NUP35: variants seen among roughly 807,000 people sequenced by gnomAD.
NUP35 encodes the protein nucleoporin 35, also known as nucleoporin NUP35.
A neutral mutation model predicts 41.5 loss-of-function variants in NUP35; 25 were observed. That is an observed-to-expected ratio of 0.60 (90% CI 0.44 to 0.84). NUP35 has a LOEUF of 0.84. Among genes scored for constraint, NUP35 ranks in the 40% least tolerant of loss-of-function variants. NUP35 has a pLI of 0.00. For synonymous variants in NUP35, 149 were observed against 130.7 expected, an observed-to-expected ratio of 1.14 and a Z score of -0.96; for missense variants, 396 against 396.6, an observed-to-expected ratio of 1.00 and a Z score of 0.01.
rs1685795556 is a variant in NUP35 at position 183,159,616 on chromosome 2, T to C, written c.867T>C (p.Leu289=). Residue 289 remains leucine, a synonymous_variant, in exon 8 of 9, where the codon CTT becomes CTC. Transcript: ENST00000295119. The part of the protein sequence containing the change: ...STPRISTMRP[L]ATAYKASTSD... Reference sequence around the variant, plus strand: ...CTAGGATTTCTACCATGAGACCTCTTGCTACAGCATACAAAGCCTCTACTA... The same window carrying C: ...CTAGGATTTCTACCATGAGACCTCTCGCTACAGCATACAAAGCCTCTACTA... The C allele has an allele frequency of 6.2e-7, 1 of 1,613,286 alleles. No individual in the cohort carries two copies. Among genetic ancestry groups the C allele is most frequent in the Admixed American group, 1.7e-5 (1 of 59,960 alleles).
At chr2:183,153,982 G>A (rs1376927680) in intron 5 of NUP35, among the ~76,000 whole-genome samples, 1 of 152,192 alleles carries the variant, frequency 6.6e-6, no homozygotes, top group South Asian at 2.1e-4. Context: ...CTTGACTTCT[G>A]TGCACCCACA....
intron 8 of NUP35, chr2:183,160,276 C>G (rs1158043328): frequency 6.6e-6 from 1 of 152,170 alleles, no homozygotes; most frequent in Non-Finnish European, 1.5e-5. Flanking sequence ...AGTGGTAGTT[C>G]AGTTTTTTGA....
At chr2:183,157,401 ATAG>A in intron 5 of NUP35, 40 bp from the exon 6 acceptor site, 1 of 1,361,716 alleles carries the variant, frequency 7.3e-7, no homozygotes, top group Non-Finnish European at 1.1e-6. Context: ...ATTCACATTG[ATAG>A]TAGAAGCTGA....
At chr2:183,126,134 C>T (rs576731740) in intron 1 of NUP35, among the ~76,000 whole-genome samples, 13 of 152,282 alleles carry the variant, frequency 8.5e-5, no homozygotes, top group African/African-American at 3.1e-4. Context: ...CCTCCGGGCT[C>T]AAGCAATCCT....
intron 3 of NUP35, 76 bp from the exon 4 acceptor site, chr2:183,133,490 A>T: frequency 8.5e-7 from 1 of 1,180,138 alleles, no homozygotes; most frequent in Non-Finnish European, 1.2e-6. Flanking sequence ...TCAGTTATCC[A>T]TTGAATGAAG....
At chr2:183,129,458 T>C (rs936620350) in intron 2 of NUP35, among the ~76,000 whole-genome samples, 6 of 152,222 alleles carry the variant, frequency 3.9e-5, no homozygotes, top group Non-Finnish European at 8.8e-5. Context: ...TATTTTTGCT[T>C]TAAAATGGTT....
intron 3 of NUP35, among the ~76,000 whole-genome samples, chr2:183,132,556 C>T (rs540672491): frequency 5.9e-5 from 9 of 151,966 alleles, no homozygotes; most frequent in Admixed American, 1.3e-4. Flanking sequence ...GACCCTGTCT[C>T]AAAAATAAAA....
chr2:183,138,306 G>T (rs1348881774), intron 4 of NUP35, among the ~76,000 whole-genome samples: 1 of 122,746 alleles, frequency 8.1e-6, no homozygotes, highest in Admixed American at 9.1e-5. Context: ...TTAGTGTTAA[G>T]TGAAGTTTTT....
chr2:183,142,884 C>T (rs1489007923), intron 4 of NUP35, among the ~76,000 whole-genome samples: 1 of 151,198 alleles, frequency 6.6e-6, no homozygotes, highest in Admixed American at 6.6e-5. Flanking sequence ...CAGCTGGGCA[C>T]GGTGGCTCAC....
At position 183,161,504 on chromosome 2, in the gene NUP35, G is replaced by A. The variant is rs1051780198; in HGVS notation, c.*373G>A. ...AAGGGGAACTATAGTTATTTCTACC[G>A]ACACAAATATTATAATTAGCAATTT... On this transcript the variant is annotated 3_prime_UTR_variant, in exon 9 of 9. Coordinates refer to ENST00000295119, the MANE Select transcript of NUP35 (RefSeq NM_138285.5). 2.6e-5 allele frequency: 4 copies of A among 156,356 alleles called. No individual in the cohort carries two copies. Among genetic ancestry groups the A allele is most frequent in the Admixed American group, 6.5e-5 (1 of 15,426 alleles). The allele number at this position is 156,356 out of a possible 1,614,324, so 9.7% of individuals were successfully genotyped here. A position where few individuals can be genotyped will look rare whatever the true frequency, so the allele number is the denominator to read the frequency against.
At chr2:183,133,484 T>G in intron 3 of NUP35, 82 bp from the exon 4 acceptor site, 1 of 1,073,392 alleles carries the variant, frequency 9.3e-7, no homozygotes, top group Non-Finnish European at 1.4e-6. Flanking sequence ...AAAAATTCAG[T>G]TATCCATTGA....
intron 5 of NUP35, among the ~76,000 whole-genome samples, 188 bp from the exon 6 acceptor site, chr2:183,157,256 G>C (rs1397747295): frequency 6.6e-6 from 1 of 152,110 alleles, no homozygotes; most frequent in African/African-American, 2.4e-5. Flanking sequence ...TAACTTTAAG[G>C]TATTTGCTTT....
intron 5 of NUP35, 39 bp downstream of exon 5, chr2:183,151,688 C>G (rs776148009): frequency 3.0e-5 from 48 of 1,575,208 alleles, no homozygotes; most frequent in Admixed American, 1.1e-4. Context: ...AAAACCCCAC[C>G]CTAACATTTT....
In NUP35 at chr2:183,151,572, G is replaced by C; in HGVS notation, c.462G>C (p.Gln154His). The C allele has an allele frequency of 6.2e-7, 1 of 1,613,956 alleles. No individual in the cohort carries two copies. Among genetic ancestry groups the C allele is most frequent in the Non-Finnish European group, 8.5e-7 (1 of 1,179,816 alleles). ...QPRKTTLSPA[Q>H]LDPFYTQGDS... ...GAAAGACGACATTATCTCCTGCCCAGTTGGATCCTTTTTATACTCAAGGAG... is the reference window on the plus strand; with the variant it reads ...GAAAGACGACATTATCTCCTGCCCACTTGGATCCTTTTTATACTCAAGGAG... Residue 154 changes from glutamine to histidine, a missense_variant, in exon 5 of 9, where the codon CAG becomes CAC. Coordinates refer to ENST00000295119, the MANE Select transcript of NUP35 (RefSeq NM_138285.5).
chr2:183,151,616 A>T lies in NUP35; in HGVS notation c.506A>T (p.Asp169Val), dbSNP rs778051271. 6.2e-7 allele frequency: 1 copy of T among 1,614,032 alleles called. No individual in the cohort carries two copies. Among genetic ancestry groups the T allele is most frequent in the South Asian group, 1.1e-5 (1 of 91,078 alleles). ...YTQGDSLTSE[D>V]HLDDSWVTVF... ...CAAGGAGATTCTTTGACTTCAGAAG[A>T]TCACCTCGATGACTCTTGGGTGACT... Residue 169 changes from aspartate to valine, a missense_variant, in exon 5 of 9, where the codon GAT (aspartate) becomes GTT (valine). Asp to Val is a radical substitution (Grantham distance 152, BLOSUM62 -3). Transcript: ENST00000295119.
intron 4 of NUP35, among the ~76,000 whole-genome samples, chr2:183,150,664 T>G (rs1251276497): frequency 6.6e-6 from 1 of 152,236 alleles, no homozygotes; most frequent in African/African-American, 2.4e-5. Flanking sequence ...TACTTATTTG[T>G]CTCTCTTTCG....
upstream of NUP35, among the ~76,000 whole-genome samples, chr2:183,120,295 A>G (rs908958935): frequency 2.6e-5 from 4 of 152,026 alleles, no homozygotes; most frequent in Admixed American, 6.6e-5. Flanking sequence ...AAAATACAAA[A>G]AGTAGCCGGG....
chr2:183,139,236 T>C (rs1018100837), intron 4 of NUP35, among the ~76,000 whole-genome samples: 1 of 148,800 alleles, frequency 6.7e-6, no homozygotes, highest in Non-Finnish European at 1.5e-5. Context: ...TGAGAAAAGA[T>C]CTCGCTGTCA....
chr2:183,132,026 A>G (rs1015710504), intron 3 of NUP35, among the ~76,000 whole-genome samples: 1 of 151,614 alleles, frequency 6.6e-6, no homozygotes, highest in African/African-American at 2.4e-5. Flanking sequence ...ATTTTTATTT[A>G]TTATTATTAT....
Sources: gnomAD v4.1 joint callset for allele counts (sites outside exome capture counted in the v4.1 genomes callset) on GRCh38, gnomAD v4.1.1 for gene constraint, MANE v1.5 for transcripts, NCBI Gene and HGNC (gene_info 2026-07-23, HGNC 2026-07-21) for gene names.